Variants in PELI2 observed in about 807,000 individuals in gnomAD.
PELI2 encodes pellino E3 ubiquitin protein ligase family member 2.
In PELI2, 23 loss-of-function variants were observed where a neutral mutation model predicts 42.3. The ratio of observed to expected loss-of-function variants is 0.54; its 90% CI spans 0.39 to 0.77. The LOEUF (loss-of-function observed/expected upper bound fraction) is 0.77, where lower values mean the gene tolerates loss of function less well. Ranked by LOEUF, PELI2 falls within the 30% of genes least tolerant of loss-of-function variation. The pLI is 0.00. For synonymous variants in PELI2, 245 were observed against 212.2 expected (o/e 1.15, Z -1.34); for missense variants, 463 against 553.2 (o/e 0.84, Z 1.64).
chr14:56,228,643 T>C (rs943320154), intron 2 of PELI2, among the ~76,000 whole-genome samples: 1 of 152,222 alleles, frequency 6.6e-6, no homozygotes, highest in Non-Finnish European at 1.5e-5. Flanking sequence ...GGTTCCAAGA[T>C]GGCTGAATAG....
chr14:56,214,798 T>C (rs987392790), intron 2 of PELI2, among the ~76,000 whole-genome samples: 1 of 152,102 alleles, frequency 6.6e-6, no homozygotes, highest in African/African-American at 2.4e-5. Flanking sequence ...GAAAGGCTGA[T>C]TGGAAGGGTA....
intron 2 of PELI2, among the ~76,000 whole-genome samples, chr14:56,191,136 T>C (rs1369512427): frequency 6.6e-6 from 1 of 152,182 alleles, no homozygotes; most frequent in Non-Finnish European, 1.5e-5. Flanking sequence ...CAAGTCTCTG[T>C]TCCCAGCAGA....
At chr14:56,271,560 A>G (rs1889105881) in intron 2 of PELI2, among the ~76,000 whole-genome samples, 1 of 152,230 alleles carries the variant, frequency 6.6e-6, no homozygotes, top group South Asian at 2.1e-4. Flanking sequence ...AATTAGATTT[A>G]ACAGTTAAAG....
chr14:56,170,013 T>C (rs1885108146), intron 1 of PELI2, among the ~76,000 whole-genome samples: 1 of 152,224 alleles, frequency 6.6e-6, no homozygotes, highest in Non-Finnish European at 1.5e-5. Flanking sequence ...ACCTCAAGAC[T>C]GGTGCCAGAT....
Position 56,299,027 on chromosome 14 carries a change from C to T in PELI2, c.*1861C>T, listed in dbSNP as rs1440475576. 5 of 152,250 alleles carry T rather than the reference C, an allele frequency of 3.3e-5. No homozygotes were observed. Among genetic ancestry groups the T allele is most frequent in the African/African-American group, 9.6e-5 (4 of 41,538 alleles). The allele number at this position is 152,250 out of a possible 1,614,324, so 9.4% of individuals were successfully genotyped here. ...GCCAGAGTCTCTGATGATTAGCTTT[C>T]ACTGATAGAGTATGTCTTTTCAGCC... On this transcript the variant is annotated 3_prime_UTR_variant, in exon 6 of 6. Coordinates refer to ENST00000267460, the MANE Select transcript of PELI2 (RefSeq NM_021255.3).
chr14:56,138,548 A>C (rs1050449624), intron 1 of PELI2, among the ~76,000 whole-genome samples: 1 of 152,150 alleles, frequency 6.6e-6, no homozygotes, highest in Non-Finnish European at 1.5e-5. Flanking sequence ...ACAGCTGCTT[A>C]ATAGGAATAT....
rs1224994628 is a variant in PELI2, at chr14:56,288,702, TG to T, written c.507+70del. On this transcript the variant is annotated intron_variant, in intron 4 of 5. Transcript: ENST00000267460. This position sits in a 1 kb window ranked among gnomAD's most constrained non-coding sequence, Gnocchi z 4.6. ...GTGATTATGATATGGAACATTTAAT[TG>T]GAGCAAAAAAAAATTGGCTTTGTAT... 2 of 1,188,850 alleles carry T rather than the reference TG, an allele frequency of 1.7e-6. No homozygotes were observed. The highest frequency in any genetic ancestry group is 6.1e-5 in the African/African-American group (2 of 32,890). The allele number at this position is 1,188,850 out of a possible 1,614,324, so 73.6% of individuals were successfully genotyped here.
intron 2 of PELI2, among the ~76,000 whole-genome samples, chr14:56,195,865 G>A (rs1450009302): frequency 2.0e-5 from 3 of 152,204 alleles, no homozygotes; most frequent in Admixed American, 6.5e-5. Flanking sequence ...TGCGCAAGCC[G>A]TGATTGGCAG....
intron 2 of PELI2, among the ~76,000 whole-genome samples, chr14:56,239,219 G>A (rs1408008149): frequency 6.6e-6 from 1 of 152,212 alleles, no homozygotes; most frequent in Non-Finnish European, 1.5e-5. Context: ...ATTTTCAAAA[G>A]TGCAAAACAG....
intron 1 of PELI2, among the ~76,000 whole-genome samples, chr14:56,173,646 G>A (rs915668210): frequency 2.6e-5 from 4 of 152,086 alleles, no homozygotes; most frequent in African/African-American, 9.7e-5. Context: ...GCTCTTAAGG[G>A]GAGAATCTTT....
At chr14:56,263,357 T>C (rs919486344) in intron 2 of PELI2, among the ~76,000 whole-genome samples, 1 of 152,136 alleles carries the variant, frequency 6.6e-6, no homozygotes, top group Non-Finnish European at 1.5e-5. Context: ...ATAGAATTTT[T>C]ATGAGCCCTT....
chr14:56,127,301 A>G (rs1271809920), intron 1 of PELI2, among the ~76,000 whole-genome samples: 1 of 152,232 alleles, frequency 6.6e-6, no homozygotes, highest in Non-Finnish European at 1.5e-5. Context: ...CTGACATGAA[A>G]TAACAGAACT....
At chr14:56,281,558 T>A (rs8016957) in intron 3 of PELI2, among the ~76,000 whole-genome samples, 2,195 of 152,212 alleles carry the variant, frequency 0.014, 58 homozygotes, top group African/African-American at 0.05. Context: ...AAGAATATTT[T>A]ATGTGGTTTT....
intron 1 of PELI2, among the ~76,000 whole-genome samples, chr14:56,155,187 T>G (rs1884507038): frequency 6.6e-6 from 1 of 152,140 alleles, no homozygotes; most frequent in Non-Finnish European, 1.5e-5. Flanking sequence ...TTTATAATTT[T>G]TGATATGCAG....
intron 1 of PELI2, among the ~76,000 whole-genome samples, chr14:56,171,263 G>A (rs1402421934): frequency 6.6e-6 from 1 of 152,062 alleles, no homozygotes; most frequent in East Asian, 1.9e-4. Flanking sequence ...AATGATTAAT[G>A]GTGTTATATC....
chr14:56,144,434 T>A (rs929962171), intron 1 of PELI2, among the ~76,000 whole-genome samples: 7 of 152,220 alleles, frequency 4.6e-5, no homozygotes, highest in Non-Finnish European at 1.0e-4. Context: ...GTTCTGCTCC[T>A]AAGCCTTTTC....
chr14:56,245,441 G>T (rs558428870), intron 2 of PELI2, among the ~76,000 whole-genome samples: 6 of 152,096 alleles, frequency 3.9e-5, no homozygotes, highest in Non-Finnish European at 5.9e-5. Context: ...GTAAAACCAT[G>T]TATGATAAAC....
rs1413478219 is a variant in PELI2 at position 56,219,750 on chromosome 14, A to G, written c.207+41286A>G. On this transcript the variant is annotated intron_variant, in intron 2 of 5. Coordinates refer to ENST00000267460, the MANE Select transcript of PELI2 (RefSeq NM_021255.3). The surrounding 1 kb of genome is among the most constrained non-coding windows in gnomAD (Gnocchi z 4.1). ...TGTACTTAGGTTGGTAAACTGAAAAATGACACGACATGCCTTGACTCTATT... is the reference window on the plus strand; with the variant it reads ...TGTACTTAGGTTGGTAAACTGAAAAGTGACACGACATGCCTTGACTCTATT... Among the ~76,000 whole-genome samples, 1 of 152,226 alleles carries G rather than the reference A, an allele frequency of 6.6e-6. No individual in the cohort carries two copies. Among genetic ancestry groups the G allele is most frequent in the Non-Finnish European group, 1.5e-5 (1 of 68,030 alleles).
chr14:56,221,175 T>A (rs1887120635), intron 2 of PELI2, among the ~76,000 whole-genome samples: 1 of 152,170 alleles, frequency 6.6e-6, no homozygotes, highest in Admixed American at 6.5e-5. Flanking sequence ...TGTGAGGCAC[T>A]GAATTTAGGC....
Sources: allele counts gnomAD v4.1 joint callset (sites outside exome capture counted in the v4.1 genomes callset), GRCh38; gene constraint gnomAD v4.1.1; non-coding constraint Gnocchi (gnomAD v3.1); transcripts MANE v1.5; gene names NCBI Gene and HGNC (gene_info 2026-07-23, HGNC 2026-07-21).